Variants in SLC8A1 observed in about 807,000 individuals in gnomAD.
SLC8A1 encodes the protein sodium/calcium exchanger 1.
A neutral mutation model predicts 68.3 loss-of-function variants in SLC8A1; 18 were observed. That is an observed-to-expected ratio of 0.26 (90% confidence interval 0.18 to 0.39). The LOEUF is 0.39. Ranked by LOEUF, SLC8A1 falls within the 10% of genes least tolerant of loss-of-function variation. The probability of loss-of-function intolerance (pLI) is 1.00; values close to 1 mark genes in which losing one functional copy is unlikely to be tolerated. For missense variants in SLC8A1, 985 were observed against 1,156.7 expected (o/e 0.85, Z 2.15); for synonymous variants, 475 against 415.5 (o/e 1.14, Z -1.74).
intron 2 of SLC8A1, among the ~76,000 whole-genome samples, chr2:40,266,631 C>CCA (rs2065388604): frequency 6.6e-6 from 1 of 152,140 alleles, no homozygotes; most frequent in Non-Finnish European, 1.5e-5. Flanking sequence ...GTTAAGAGAG[C>CCA]CAGACTAGTC....
chr2:40,348,437 A>T (rs1559340139), intron 2 of SLC8A1, among the ~76,000 whole-genome samples: 1 of 152,226 alleles, frequency 6.6e-6, no homozygotes, highest in Admixed American at 6.5e-5. Flanking sequence ...GACATTTTAA[A>T]TGCCAAACCC....
chr2:40,352,006 A>C (rs1410644006), intron 2 of SLC8A1, among the ~76,000 whole-genome samples: 1 of 152,244 alleles, frequency 6.6e-6, no homozygotes, highest in East Asian at 1.9e-4. Flanking sequence ...AGCTAAAATA[A>C]GGAAACATGA....
At chr2:40,444,255 C>A (rs1701032675) in intron 1 of SLC8A1, among the ~76,000 whole-genome samples, 1 of 152,158 alleles carries the variant, frequency 6.6e-6, no homozygotes, top group Non-Finnish European at 1.5e-5. Flanking sequence ...AGGAGGATTA[C>A]TTGGGCCTAG....
At chr2:40,474,975 A>G (rs1308136601) in intron 1 of SLC8A1, among the ~76,000 whole-genome samples, 1 of 152,230 alleles carries the variant, frequency 6.6e-6, no homozygotes, top group African/African-American at 2.4e-5. Context: ...TGGTAAAGAT[A>G]TATAACTAAA....
chr2:40,417,541 C>G (rs972545482), intron 2 of SLC8A1, among the ~76,000 whole-genome samples: 4 of 152,076 alleles, frequency 2.6e-5, no homozygotes, highest in Admixed American at 6.6e-5. Flanking sequence ...CAAGGTCTCG[C>G]TCTGTCACCC....
At chr2:40,246,357 A>G (rs569673251) in intron 2 of SLC8A1, among the ~76,000 whole-genome samples, 66 of 152,322 alleles carry the variant, frequency 4.3e-4, no homozygotes, top group African/African-American at 1.5e-3. Context: ...CCCTGCAATC[A>G]TGCAACTTTT....
intron 2 of SLC8A1, among the ~76,000 whole-genome samples, chr2:40,345,862 G>A (rs918256743): frequency 6.6e-6 from 1 of 151,954 alleles, no homozygotes; most frequent in African/African-American, 2.4e-5. Flanking sequence ...AGGGCAAGGG[G>A]AGGGAGAGCA....
At chr2:40,312,136 C>G (rs886938673) in intron 2 of SLC8A1, among the ~76,000 whole-genome samples, 2 of 152,110 alleles carry the variant, frequency 1.3e-5, no homozygotes, top group African/African-American at 4.8e-5. Context: ...ACAAGCAAGT[C>G]ATCTCTGTCT....
At chr2:40,348,536 T>C (rs1559340633) in intron 2 of SLC8A1, among the ~76,000 whole-genome samples, 1 of 152,204 alleles carries the variant, frequency 6.6e-6, no homozygotes, top group Non-Finnish European at 1.5e-5. Flanking sequence ...AAGAAACATA[T>C]GACACAAATA....
At position 40,186,652 on chromosome 2, in the gene SLC8A1, G is replaced by A. The variant is rs143023600; in HGVS notation, c.1809-8797C>T. 3.3e-3 allele frequency among the ~76,000 whole-genome samples: 498 copies of A among 152,198 alleles called. 9 individuals carry two copies. Among genetic ancestry groups the A allele is most frequent in the Non-Finnish European group, 1.3e-3 (90 of 68,000 alleles). On this transcript the variant is annotated intron_variant, in intron 2 of 7. Transcript: ENST00000406785. Reference sequence around the variant, plus strand: ...GACTGAATCATGACTTAAATCTATTGTTTCCTTTCTCGAAATCTTGAGAGA... The same window carrying A: ...GACTGAATCATGACTTAAATCTATTATTTCCTTTCTCGAAATCTTGAGAGA...
At chr2:40,317,484 A>G (rs1482295847) in intron 2 of SLC8A1, among the ~76,000 whole-genome samples, 2 of 152,130 alleles carry the variant, frequency 1.3e-5, no homozygotes, top group Non-Finnish European at 2.9e-5. Flanking sequence ...AAAACTTGCA[A>G]CAACTCTACA....
At chr2:40,341,591 A>G (rs955703066) in intron 2 of SLC8A1, among the ~76,000 whole-genome samples, 1 of 152,238 alleles carries the variant, frequency 6.6e-6, no homozygotes, top group Non-Finnish European at 1.5e-5. Context: ...TGTTTTCAAA[A>G]TATGAAACAA....
intron 2 of SLC8A1, among the ~76,000 whole-genome samples, chr2:40,384,660 TTA>T (rs1324660304): frequency 6.6e-6 from 1 of 152,166 alleles, no homozygotes; most frequent in South Asian, 2.1e-4. Flanking sequence ...GTGGAATATT[TTA>T]TATTTTTTAT....
At chr2:40,455,696 C>T (rs1376865302), upstream of SLC8A1, among the ~76,000 whole-genome samples, 14 of 152,178 alleles carry the variant, frequency 9.2e-5, no homozygotes, top group Admixed American at 9.2e-4. Flanking sequence ...GGGTTCTTTG[C>T]TTTGGGGATG....
At chr2:40,245,485 A>G (rs544118611) in intron 2 of SLC8A1, among the ~76,000 whole-genome samples, 25 of 152,306 alleles carry the variant, frequency 1.6e-4, no homozygotes, top group Admixed American at 3.9e-4. Context: ...GGAGGACAAC[A>G]TAGCAATCCT....
chr2:40,181,290 G>A (rs933410895), intron 2 of SLC8A1, among the ~76,000 whole-genome samples: 11 of 152,322 alleles, frequency 7.2e-5, no homozygotes, highest in Middle Eastern at 3.4e-3. Context: ...GCTGATGGGT[G>A]TGGGAAACAC....
chr2:40,235,178 C>A lies in SLC8A1; in HGVS notation c.1809-57323G>T, dbSNP rs998734910. ...GGAATAGTTTCAGAAGGAATGGTACCAGTTCCTCCTTGTACCTCTGGTAGA... is the reference window on the plus strand; with the variant it reads ...GGAATAGTTTCAGAAGGAATGGTACAAGTTCCTCCTTGTACCTCTGGTAGA... On this transcript the variant is annotated intron_variant, in intron 2 of 7. Transcript: ENST00000406785. 9.9e-5 allele frequency among the ~76,000 whole-genome samples: 15 copies of A among 151,944 alleles called. No individual in the cohort carries two copies. The South Asian group carries it at 1.5e-3, about 15-fold the overall frequency.
chr2:40,449,190 A>C lies in SLC8A1; in HGVS notation c.-25+2714T>G, dbSNP rs564527618. Among the ~76,000 whole-genome samples the C allele has an allele frequency of 6.8e-4, 102 of 150,056 alleles. No homozygotes were observed. In the Middle Eastern group the frequency reaches 0.014, roughly 20 times the overall value. ...AAACAAAAAACAACAACAAAAAAAA[A>C]CACACAGACATTAATGTCCCAAAAT... On this transcript the variant is annotated intron_variant, in intron 1 of 7. Transcript: ENST00000406785.
intron 2 of SLC8A1, among the ~76,000 whole-genome samples, chr2:40,289,847 C>A (rs552242663): frequency 6.7e-6 from 1 of 149,710 alleles, no homozygotes; most frequent in African/African-American, 2.5e-5. Context: ...GGCGACAGAG[C>A]GAGACTCAGT....
Sources: allele counts gnomAD v4.1 joint callset (sites outside exome capture counted in the v4.1 genomes callset), GRCh38; gene constraint gnomAD v4.1.1; transcripts MANE v1.5; gene names NCBI Gene and HGNC (gene_info 2026-07-23, HGNC 2026-07-21).